The following FAM83F variants were observed in gnomAD, a reference collection of about 807,000 sequenced individuals.
The protein encoded by FAM83F is scaffolding CK1 anchoring protein F.
FAM83F carries 45 observed loss-of-function variants against 42.9 expected under a neutral mutation model. The ratio of observed to expected loss-of-function variants is 1.05; its 90% confidence interval spans 0.83 to 1.35. The LOEUF (loss-of-function observed/expected upper bound fraction) is 1.35. Among genes scored for constraint, FAM83F ranks in the 40% most tolerant of loss-of-function variants. The pLI is 0.00. For missense variants in FAM83F, 617 were observed against 695.9 expected, an observed-to-expected ratio of 0.89 and a Z score of 1.28; for synonymous variants, 306 against 298.3, an observed-to-expected ratio of 1.03 and a Z score of -0.27.
rs2067622559 is a variant in FAM83F at position 40,036,157 on chromosome 22, A to G, written c.*6592A>G. The G allele has an allele frequency of 6.6e-6, 1 of 152,058 alleles. No individual in the cohort carries two copies. The highest frequency in any genetic ancestry group is 2.4e-5 in the African/African-American group (1 of 41,372). 9.4% of individuals were successfully genotyped at this position (152,058 alleles called of 1,614,324 possible). On this transcript the variant is annotated 3_prime_UTR_variant, in exon 5 of 5. Coordinates refer to ENST00000333407, the MANE Select transcript of FAM83F (RefSeq NM_138435.4). ...TCCATCCTCAGCTTCCCAAGTAGCT[A>G]GTAGTAGTAGTGGCTTGCACCAACG...
intron 1 of FAM83F, among the ~76,000 whole-genome samples, chr22:40,006,656 G>A (rs982202766): frequency 6.6e-6 from 1 of 152,244 alleles, no homozygotes; most frequent in Non-Finnish European, 1.5e-5. Context: ...TGTGGGGTAT[G>A]AGCTGATTAT....
intron 1 of FAM83F, among the ~76,000 whole-genome samples, chr22:40,002,375 G>A (rs1451951188): frequency 6.6e-6 from 1 of 152,214 alleles, no homozygotes; most frequent in Non-Finnish European, 1.5e-5. Context: ...TTGGGGAAGA[G>A]GGAGGGGAGA....
chr22:40,021,871 A>G lies in FAM83F; in HGVS notation c.1361A>G (p.Asn454Ser), dbSNP rs199806449. The G allele has an allele frequency of 3.0e-4, 481 of 1,611,586 alleles. No individual in the cohort carries two copies. The highest frequency in any genetic ancestry group is 3.7e-4 in the Non-Finnish European group (439 of 1,179,134). ...SRRAKRPAAP[N>S]GMASSVSTET... ...CGAGCCAAGAGGCCTGCGGCGCCCA[A>G]TGGCATGGCCAGCTCTGTCTCCACC... is the stretch of plus-strand genomic sequence containing the variant. Residue 454 changes from asparagine (N) to serine (S), a missense_variant, in exon 4 of 5, where the codon AAT becomes AGT. Transcript: ENST00000333407. This position sits in a 1 kb window ranked among gnomAD's most constrained non-coding sequence, Gnocchi z 8.7.
Position 40,021,368 on chromosome 22 carries a change from G to T in FAM83F, c.858G>T (p.Thr286=). The change falls in exon 4 of 5, where the codon ACG becomes ACT. Residue 286 remains threonine, a synonymous_variant. Transcript: ENST00000333407. This position sits in a 1 kb window ranked among gnomAD's most constrained non-coding sequence, Gnocchi z 8.7. ...LTGQNVEPFD[T]EFRELYAISE... is the part of the protein sequence containing the mutation. Reference sequence around the variant, plus strand: ...GACAGAACGTAGAGCCCTTTGACACGGAGTTCCGGGAGCTGTACGCCATCT... The same window carrying T: ...GACAGAACGTAGAGCCCTTTGACACTGAGTTCCGGGAGCTGTACGCCATCT... 1.2e-6 allele frequency: 2 copies of T among 1,611,430 alleles called. No individual in the cohort carries two copies. The highest frequency in any genetic ancestry group is 4.5e-5 in the East Asian group (2 of 44,820).
At chr22:40,007,503 C>T (rs2067440171) in intron 1 of FAM83F, among the ~76,000 whole-genome samples, 1 of 46,850 alleles carries the variant, frequency 2.1e-5, no homozygotes, top group Non-Finnish European at 4.1e-5. Context: ...CTCTTCCTCT[C>T]CTCCTCCTGT....
chr22:40,001,726 G>C (rs1016961499), intron 1 of FAM83F, among the ~76,000 whole-genome samples: 20 of 152,128 alleles, frequency 1.3e-4, no homozygotes, highest in Admixed American at 6.5e-4. Flanking sequence ...TGAAAGCTGA[G>C]GATACTGGAA....
Position 40,021,995 on chromosome 22 carries a change from C to T in FAM83F, c.1453+32C>T, listed in dbSNP as rs2067526298. 2.0e-6 allele frequency: 3 copies of T among 1,499,814 alleles called. No individual in the cohort carries two copies. The highest frequency in any genetic ancestry group is 2.7e-6 in the Non-Finnish European group (3 of 1,122,038). 92.9% of individuals were successfully genotyped at this position (1,499,814 alleles called of 1,614,324 possible). ...CCTCTTCCCTCTGGCCTGGTGCCTC[C>T]CCAGGCCTCTGGCCCTCGCCCCGCA... On this transcript the variant is annotated intron_variant, in intron 4 of 4. Coordinates refer to ENST00000333407, the MANE Select transcript of FAM83F (RefSeq NM_138435.4). This position sits in a 1 kb window ranked among gnomAD's most constrained non-coding sequence, Gnocchi z 8.7.
rs541385586 is a variant in FAM83F, at chr22:40,032,234, C to T, written c.*2669C>T. ...AGTCAGCTTCTGTAGGGTAAGTGTT[C>T]ACAGCTGGTGCAGCTCTTTGGGAAA... On this transcript the variant is annotated 3_prime_UTR_variant, in exon 5 of 5. Transcript: ENST00000333407. The T allele has an allele frequency of 7.0e-6, 1 of 142,976 alleles. No homozygotes were observed. Among genetic ancestry groups the T allele is most frequent in the African/African-American group, 2.5e-5 (1 of 39,704 alleles). The allele number at this position is 142,976 out of a possible 1,614,324, so 8.9% of individuals were successfully genotyped here. A position where few individuals can be genotyped will look rare whatever the true frequency, so the allele number is the denominator to read the frequency against.
At position 40,034,218 on chromosome 22, in the gene FAM83F, C is replaced by T. The variant is rs2067607197; in HGVS notation, c.*4653C>T. ...GCCGTGCGCTAGGGATGCAATTTCT[C>T]ATCTGGCAGTGCGCCACACTCCTGC... On this transcript the variant is annotated 3_prime_UTR_variant, in exon 5 of 5. Coordinates refer to ENST00000333407, the MANE Select transcript of FAM83F (RefSeq NM_138435.4). 6.6e-6 allele frequency: 1 copy of T among 152,286 alleles called. No homozygotes were observed. The highest frequency in any genetic ancestry group is 2.1e-4 in the South Asian group (1 of 4,836). 9.4% of individuals were successfully genotyped at this position (152,286 alleles called of 1,614,324 possible).
At chr22:40,005,885 G>A (rs1174487662) in intron 1 of FAM83F, among the ~76,000 whole-genome samples, 3 of 152,190 alleles carry the variant, frequency 2.0e-5, no homozygotes, top group East Asian at 1.9e-4. Flanking sequence ...AAGCCCCAGC[G>A]GACGAAGCAC....
chr22:40,016,688 G>A (rs1947001537), intron 1 of FAM83F, among the ~76,000 whole-genome samples: 1 of 151,394 alleles, frequency 6.6e-6, no homozygotes, highest in Non-Finnish European at 1.5e-5. Context: ...TTTTAAGATG[G>A]AGTCTCTCAT....
Position 39,995,745 on chromosome 22 carries a change from C to T in FAM83F, c.489+214C>T, listed in dbSNP as rs1046460790. ...AAATTACAAGGTGCTGGACAGATGTCAGCCGTCGGTATTCCAGCGTTCAGA... is the reference window on the plus strand; with the variant it reads ...AAATTACAAGGTGCTGGACAGATGTTAGCCGTCGGTATTCCAGCGTTCAGA... On this transcript the variant is annotated intron_variant, in intron 1 of 4. Transcript: ENST00000333407. The surrounding 1 kb of genome is among the most constrained non-coding windows in gnomAD (Gnocchi z 4.6). Among the ~76,000 whole-genome samples, 1 of 152,222 alleles carries T rather than the reference C, an allele frequency of 6.6e-6. No homozygotes were observed. Among genetic ancestry groups the T allele is most frequent in the African/African-American group, 2.4e-5 (1 of 41,470 alleles).
chr22:40,019,859 T>G (rs1326491357), intron 2 of FAM83F, 28 bp from the exon 3 acceptor site: 1 of 1,591,836 alleles, frequency 6.3e-7, no homozygotes, highest in South Asian at 1.1e-5. Flanking sequence ...CCAACCCAGG[T>G]GACAGGGCCT....
chr22:40,032,342 G>A lies in FAM83F; in HGVS notation c.*2777G>A, dbSNP rs2067593453. The A allele has an allele frequency of 6.6e-6, 1 of 152,238 alleles. No individual in the cohort carries two copies. Among genetic ancestry groups the A allele is most frequent in the African/African-American group, 2.4e-5 (1 of 41,448 alleles). The allele number at this position is 152,238 out of a possible 1,614,324, so 9.4% of individuals were successfully genotyped here. ...CAAGGGCAGTAAGCACAGGACTTCT[G>A]GATGGATCTGGGAGCCTGCCCCTTG... On this transcript the variant is annotated 3_prime_UTR_variant, in exon 5 of 5. Coordinates refer to ENST00000333407, the MANE Select transcript of FAM83F (RefSeq NM_138435.4).
At position 40,021,418 on chromosome 22, in the gene FAM83F, A is replaced by C; in HGVS notation, c.908A>C (p.Gln303Pro). The C allele has an allele frequency of 1.2e-6, 2 of 1,613,682 alleles. No homozygotes were observed. Among genetic ancestry groups the C allele is most frequent in the Non-Finnish European group, 1.7e-6 (2 of 1,179,718 alleles). ...AISEEVDLYR[Q>P]LSLAGRVGLH... ...TCCGAGGAGGTGGACTTGTACCGGC[A>C]GCTGAGCCTGGCGGGCAGGGTTGGC... is the stretch of plus-strand genomic sequence containing the variant. The change falls in exon 4 of 5, where the codon CAG becomes CCG. Residue 303 changes from glutamine (Q) to proline (P), a missense_variant. By Grantham distance (76) the Gln-to-Pro change is moderately conservative (BLOSUM62 -1). Coordinates refer to ENST00000333407, the MANE Select transcript of FAM83F (RefSeq NM_138435.4). The surrounding 1 kb of genome is among the most constrained non-coding windows in gnomAD (Gnocchi z 8.7).
rs1438534256 is a variant in FAM83F, at chr22:40,030,935, A to G, written c.*1370A>G. The G allele has an allele frequency of 6.6e-6, 1 of 152,246 alleles. No homozygotes were observed. Among genetic ancestry groups the G allele is most frequent in the East Asian group, 1.9e-4 (1 of 5,180 alleles). The allele number at this position is 152,246 out of a possible 1,614,324, so 9.4% of individuals were successfully genotyped here. On this transcript the variant is annotated 3_prime_UTR_variant, in exon 5 of 5. Transcript: ENST00000333407. ...GCAAGGCAGCTGATGTGAGAGCAAG[A>G]AAAGGGGCTGCTCTGGCTGGGCTGT...
intron 2 of FAM83F, 78 bp downstream of exon 2, chr22:40,019,413 CT>C (rs1191018579): frequency 3.6e-6 from 5 of 1,379,132 alleles, no homozygotes; most frequent in Non-Finnish European, 5.1e-6. Context: ...CAGCTCCCCC[CT>C]GCCTCTTCCC....
intron 1 of FAM83F, among the ~76,000 whole-genome samples, chr22:40,005,649 A>C (rs758329658): frequency 4.6e-5 from 7 of 152,188 alleles, no homozygotes; most frequent in African/African-American, 1.7e-4. Flanking sequence ...TGATGGCCTC[A>C]CTGGATCAGC....
chr22:40,005,028 G>C (rs1751322507), intron 1 of FAM83F, among the ~76,000 whole-genome samples: 1 of 152,182 alleles, frequency 6.6e-6, no homozygotes, highest in Non-Finnish European at 1.5e-5. Flanking sequence ...ATGCCCTCCT[G>C]ATCACTTTCA....
Sources: allele counts gnomAD v4.1 joint callset (sites outside exome capture counted in the v4.1 genomes callset), GRCh38; gene constraint gnomAD v4.1.1; non-coding constraint Gnocchi (gnomAD v3.1); transcripts MANE v1.5; gene names NCBI Gene and HGNC (gene_info 2026-07-23, HGNC 2026-07-21).